Variants in ARHGAP31 observed in about 807,000 individuals in gnomAD.
ARHGAP31 encodes the protein Rho GTPase activating protein 31, also known as rho GTPase-activating protein 31.
In ARHGAP31, 34 loss-of-function variants were observed where a neutral mutation model predicts 113.9. The observed-to-expected ratio is 0.30, with a 90% confidence interval of 0.23 to 0.40. ARHGAP31 has a LOEUF of 0.40. Ranked by LOEUF, ARHGAP31 falls within the 10% of genes least tolerant of loss-of-function variation. The pLI is 1.00. For missense variants in ARHGAP31, 1,548 were observed against 1,767.1 expected (o/e 0.88, Z 2.22); for synonymous variants, 650 against 684.8 (o/e 0.95, Z 0.79).
At chr3:119,342,377 C>A (rs770470443) in intron 1 of ARHGAP31, among the ~76,000 whole-genome samples, 17 of 152,146 alleles carry the variant, frequency 1.1e-4, no homozygotes, top group African/African-American at 4.1e-4. Flanking sequence ...AAATAAATTT[C>A]TCAATGGAAT....
chr3:119,295,131 CT>C (rs779786586), intron 1 of ARHGAP31, 127 bp downstream of exon 1: 51 of 767,732 alleles, frequency 6.6e-5, no homozygotes, highest in African/African-American at 2.0e-4. Context: ...GCTCATTGCA[CT>C]TTTTTTTCTT....
Position 119,402,078 on chromosome 3 carries a change from G to A in ARHGAP31, c.1326G>A (p.Glu442=), listed in dbSNP as rs1479486941. The A allele has an allele frequency of 6.2e-7, 1 of 1,614,240 alleles. No homozygotes were observed. Among genetic ancestry groups the A allele is most frequent in the Non-Finnish European group, 8.5e-7 (1 of 1,180,036 alleles). The change falls in exon 10 of 12, where the codon GAG becomes GAA. Residue 442 remains glutamate (E), a synonymous_variant. Coordinates refer to ENST00000264245, the MANE Select transcript of ARHGAP31 (RefSeq NM_020754.4). ...LKVFRPVEDP[E]SEQTAPKMLG... ...TTTTCCGGCCTGTTGAGGATCCGGAGAGCGAGCAAACAGCCCCAAAGATGT... is the reference window on the plus strand; with the variant it reads ...TTTTCCGGCCTGTTGAGGATCCGGAAAGCGAGCAAACAGCCCCAAAGATGT...
chr3:119,295,376 A>C (rs1241888572), intron 1 of ARHGAP31, among the ~76,000 whole-genome samples: 5 of 151,200 alleles, frequency 3.3e-5, no homozygotes, highest in Non-Finnish European at 7.4e-5. Context: ...GATGGTGATC[A>C]GTGGTCTTGC....
intron 1 of ARHGAP31, among the ~76,000 whole-genome samples, chr3:119,318,844 G>GA (rs982792625): frequency 4.6e-5 from 7 of 151,736 alleles, no homozygotes; most frequent in Non-Finnish European, 7.4e-5. Flanking sequence ...ATATTCCTGG[G>GA]AAAAAATTGA....
chr3:119,301,319 G>C (rs1337086170), intron 1 of ARHGAP31, among the ~76,000 whole-genome samples: 1 of 152,186 alleles, frequency 6.6e-6, no homozygotes, highest in Non-Finnish European at 1.5e-5. Context: ...TGTTGCCTCA[G>C]CCCTACCCTG....
At chr3:119,297,191 G>GT (rs1224863158) in intron 1 of ARHGAP31, among the ~76,000 whole-genome samples, 88 of 152,314 alleles carry the variant, frequency 5.8e-4, no homozygotes, top group Non-Finnish European at 1.8e-4. Context: ...TAGTTGGATG[G>GT]TTTTTTTCTG....
At chr3:119,307,953 A>AAAAAAAAAAAAAAAAAAC in intron 1 of ARHGAP31, among the ~76,000 whole-genome samples, 1 of 149,154 alleles carries the variant, frequency 6.7e-6, no homozygotes, top group Non-Finnish European at 1.5e-5. Flanking sequence ...AAAAAAAAAA[A>AAAAAAAAAAAAAAAAAAC]AAAAAAAGCT....
At position 119,417,049 on chromosome 3, in the gene ARHGAP31, G is replaced by A. The variant is rs2080785266; in HGVS notation, c.*785G>A. 1 of 152,466 alleles carries A rather than the reference G, an allele frequency of 6.6e-6. No individual in the cohort carries two copies. Among genetic ancestry groups the A allele is most frequent in the Non-Finnish European group, 1.5e-5 (1 of 68,242 alleles). The allele number at this position is 152,466 out of a possible 1,614,324, so 9.4% of individuals were successfully genotyped here. ...TTTATAAATCCAGTAGCTACGCAGG[G>A]TGGAGGCTGGGCTGAGGATTACCAT... On this transcript the variant is annotated 3_prime_UTR_variant, in exon 12 of 12. Coordinates refer to ENST00000264245, the MANE Select transcript of ARHGAP31 (RefSeq NM_020754.4).
intron 3 of ARHGAP31, among the ~76,000 whole-genome samples, chr3:119,370,466 A>G (rs1459847152): frequency 6.6e-6 from 1 of 152,222 alleles, no homozygotes; most frequent in Admixed American, 6.5e-5. Flanking sequence ...ACAGAAATGT[A>G]TAAAGGAGAA....
chr3:119,355,971 CA>C (rs1311943960), intron 1 of ARHGAP31, among the ~76,000 whole-genome samples: 1 of 152,146 alleles, frequency 6.6e-6, no homozygotes, highest in African/African-American at 2.4e-5. Context: ...ATGAATAAGA[CA>C]CGGGACTGTC....
At chr3:119,303,910 T>C (rs977707120) in intron 1 of ARHGAP31, among the ~76,000 whole-genome samples, 1 of 152,094 alleles carries the variant, frequency 6.6e-6, no homozygotes, top group African/African-American at 2.4e-5. Context: ...TTCTCCTGCC[T>C]TAGTCTCCCA....
chr3:119,299,969 C>A (rs888256831), intron 1 of ARHGAP31, among the ~76,000 whole-genome samples: 6 of 152,200 alleles, frequency 3.9e-5, no homozygotes, highest in African/African-American at 1.4e-4. Context: ...GTGGTCACAC[C>A]TTCCCTGCCT....
In ARHGAP31 at chr3:119,414,399, T is replaced by A. The variant is rs1233252259; in HGVS notation, c.2470T>A (p.Ser824Thr). Residue 824 changes from serine (S) to threonine (T), a missense_variant, in exon 12 of 12, where the codon TCC (serine) becomes ACC (threonine). Transcript: ENST00000264245. ...AGATCTCTACATAGACCAGCTGAAG[T>A]CCCAAGACAGCCCTGAGATCTCTAG... ...RTDLYIDQLKSQDSPEISSLC... is the reference protein window; with the variant it reads ...RTDLYIDQLKTQDSPEISSLC... 1.2e-6 allele frequency: 2 copies of A among 1,613,888 alleles called. No individual in the cohort carries two copies. Among genetic ancestry groups the A allele is most frequent in the African/African-American group, 2.7e-5 (2 of 74,840 alleles).
chr3:119,309,269 A>G (rs1445857088), intron 1 of ARHGAP31, among the ~76,000 whole-genome samples: 1 of 152,200 alleles, frequency 6.6e-6, no homozygotes, highest in African/African-American at 2.4e-5. Context: ...TCTACTAATG[A>G]GTCTCTACTT....
At chr3:119,300,376 T>C (rs965613037) in intron 1 of ARHGAP31, among the ~76,000 whole-genome samples, 12 of 152,182 alleles carry the variant, frequency 7.9e-5, no homozygotes, top group Non-Finnish European at 1.6e-4. Flanking sequence ...AAGATGGAGC[T>C]AATCCATCAC....
chr3:119,294,803 G>C lies in ARHGAP31; in HGVS notation c.-102G>C. 8.7e-7 allele frequency: 1 copy of C among 1,143,882 alleles called. No individual in the cohort carries two copies. The highest frequency in any genetic ancestry group is 2.4e-5 in the East Asian group (1 of 42,384). The allele number at this position is 1,143,882 out of a possible 1,614,324, so 70.9% of individuals were successfully genotyped here. A position where few individuals can be genotyped will look rare whatever the true frequency, so the allele number is the denominator to read the frequency against. On this transcript the variant is annotated 5_prime_UTR_variant, in exon 1 of 12. Coordinates refer to ENST00000264245, the MANE Select transcript of ARHGAP31 (RefSeq NM_020754.4). ...TTCCATCTTCCGATGCGGCCCCCCA[G>C]AGCCGCGGGGCAGCCGGTGATCTAG...
In ARHGAP31 at chr3:119,304,909, TAAAATAAAATAAA is replaced by T. The variant is rs2079617898; in HGVS notation, c.100+9907_100+9919del. Among the ~76,000 whole-genome samples the T allele has an allele frequency of 6.3e-5, 4 of 63,380 alleles. No homozygotes were observed. In the South Asian group the frequency reaches 2.0e-3, roughly 31 times the overall value. 41.6% of individuals were successfully genotyped at this position (63,380 alleles called of 152,430 possible). On this transcript the variant is annotated intron_variant, in intron 1 of 11. Coordinates refer to ENST00000264245, the MANE Select transcript of ARHGAP31 (RefSeq NM_020754.4). ...GACTCTGTCTCAAAATAAAATAAAA[TAAAATAAAATAAA>T]ATAAAATAAAATAAAATAAAACTTT...
intron 1 of ARHGAP31, among the ~76,000 whole-genome samples, chr3:119,295,488 G>C (rs1463590696): frequency 1.6e-5 from 2 of 124,970 alleles, no homozygotes; most frequent in Non-Finnish European, 3.3e-5. Flanking sequence ...AGTTGCGGGT[G>C]GGGGGTGGGG....
chr3:119,414,774 C>G lies in ARHGAP31; in HGVS notation c.2845C>G (p.Leu949Val), dbSNP rs748096834. The change falls in exon 12 of 12, where the codon CTT (leucine) becomes GTT (valine). Residue 949 changes from leucine (L) to valine (V), a missense_variant. Physicochemically the swap from Leu to Val is conservative, Grantham distance 32. Transcript: ENST00000264245. ...GAAGAGGCTTTCCCACAGGCCCAGCCTTCGCCAGAGCCATTCTCTAGATAG... is the reference window on the plus strand; with the variant it reads ...GAAGAGGCTTTCCCACAGGCCCAGCGTTCGCCAGAGCCATTCTCTAGATAG... ...LEKRLSHRPS[L>V]RQSHSLDSKP... is the part of the protein sequence containing the mutation. 1 of 1,614,122 alleles carries G rather than the reference C, an allele frequency of 6.2e-7. No individual in the cohort carries two copies. Among genetic ancestry groups the G allele is most frequent in the Non-Finnish European group, 8.5e-7 (1 of 1,180,046 alleles).
Sources: gnomAD v4.1 joint callset for allele counts (sites outside exome capture counted in the v4.1 genomes callset) on GRCh38, gnomAD v4.1.1 for gene constraint, MANE v1.5 for transcripts, NCBI Gene and HGNC (gene_info 2026-07-23, HGNC 2026-07-21) for gene names.